Variants in NCOA1 observed in about 807,000 individuals in gnomAD.
NCOA1 encodes the protein Hin-2 protein.
Under a neutral mutation model 150.9 loss-of-function variants are expected in NCOA1, and 35 were observed. That is an observed-to-expected ratio of 0.23 (90% CI 0.18 to 0.31). NCOA1 has a LOEUF of 0.31. NCOA1 is among the 10% of genes least tolerant of loss of function. The pLI, the probability that NCOA1 is intolerant of heterozygous loss-of-function variation, is 1.00. For synonymous variants in NCOA1, 590 were observed against 630.0 expected, an observed-to-expected ratio of 0.94 and a Z score of 0.95; for missense variants, 1,491 against 1,749.3, an observed-to-expected ratio of 0.85 and a Z score of 2.63.
chr2:24,531,487 A>G (rs974381619), intron 1 of NCOA1, among the ~76,000 whole-genome samples: 16 of 152,160 alleles, frequency 1.1e-4, no homozygotes, highest in African/African-American at 3.9e-4. Context: ...TGTAGGGTAC[A>G]TGTGCACATG....
At chr2:24,760,727 T>C (rs897720439) in intron 21 of NCOA1, among the ~76,000 whole-genome samples, 25 of 152,346 alleles carry the variant, frequency 1.6e-4, no homozygotes, top group African/African-American at 6.0e-4. Context: ...GTAATTTGAT[T>C]ATGATATGCT....
intron 3 of NCOA1, among the ~76,000 whole-genome samples, chr2:24,634,363 T>C (rs1374011893): frequency 2.0e-5 from 3 of 152,214 alleles, no homozygotes; most frequent in African/African-American, 7.2e-5. Flanking sequence ...TGTTTTTCTT[T>C]ATATCTTTAA....
chr2:24,599,669 G>A (rs549134326), intron 3 of NCOA1, among the ~76,000 whole-genome samples: 2 of 150,716 alleles, frequency 1.3e-5, no homozygotes, highest in East Asian at 3.9e-4. Flanking sequence ...CTATTAATTT[G>A]GAATATCTTG....
At chr2:24,508,637 C>G (rs1159202880) in intron 1 of NCOA1, among the ~76,000 whole-genome samples, 1 of 150,752 alleles carries the variant, frequency 6.6e-6, no homozygotes, top group Non-Finnish European at 1.5e-5. Context: ...CCTTTTTTTT[C>G]TTTGTAATTT....
intron 8 of NCOA1, among the ~76,000 whole-genome samples, chr2:24,690,650 T>TTAAAAAAAAAAAAAAAAA (rs1558289893): frequency 1.8e-4 from 1 of 5,672 alleles, no homozygotes; most frequent in Non-Finnish European, 5.6e-4. Context: ...AGATTCCATC[T>TTAAAAAAAAAAAAAAAAA]CAAAAAAAAA....
At chr2:24,533,009 G>A (rs1229024440) in intron 1 of NCOA1, among the ~76,000 whole-genome samples, 1 of 152,184 alleles carries the variant, frequency 6.6e-6, no homozygotes, top group Non-Finnish European at 1.5e-5. Flanking sequence ...GTAGCTTGAT[G>A]GGGATGGCAT....
At chr2:24,566,323 C>T (rs1666504157) in intron 2 of NCOA1, among the ~76,000 whole-genome samples, 1 of 151,902 alleles carries the variant, frequency 6.6e-6, no homozygotes, top group Non-Finnish European at 1.5e-5. Flanking sequence ...TCATCCCATC[C>T]TCTCCTCAGC....
chr2:24,731,854 G>A (rs1663032982), intron 17 of NCOA1, among the ~76,000 whole-genome samples: 1 of 152,122 alleles, frequency 6.6e-6, no homozygotes, highest in Non-Finnish European at 1.5e-5. Context: ...GTACTATAAG[G>A]AATACAAGGA....
intron 3 of NCOA1, among the ~76,000 whole-genome samples, chr2:24,621,248 G>A (rs945374341): frequency 3.3e-5 from 5 of 151,866 alleles, no homozygotes; most frequent in East Asian, 3.9e-4. Context: ...TTACAGTAAC[G>A]GCACTTCAGT....
At chr2:24,540,447 C>G (rs1441476095) in intron 1 of NCOA1, among the ~76,000 whole-genome samples, 2 of 149,704 alleles carry the variant, frequency 1.3e-5, no homozygotes, top group Non-Finnish European at 3.0e-5. Flanking sequence ...TGATTGATAG[C>G]TGGGAGAACT....
chr2:24,554,051 CT>C (rs1367275660), intron 1 of NCOA1, among the ~76,000 whole-genome samples: 2 of 152,094 alleles, frequency 1.3e-5, no homozygotes, highest in Non-Finnish European at 2.9e-5. Context: ...GTGATGTCTC[CT>C]TTTCATTACC....
At chr2:24,568,951 G>GT (rs1325615847) in intron 2 of NCOA1, among the ~76,000 whole-genome samples, 2 of 152,076 alleles carry the variant, frequency 1.3e-5, no homozygotes, top group Non-Finnish European at 2.9e-5. Context: ...TTGGTCTGTT[G>GT]TTTTTTTAAG....
intron 3 of NCOA1, among the ~76,000 whole-genome samples, chr2:24,587,619 A>G (rs536839891): frequency 1.4e-4 from 21 of 152,334 alleles, no homozygotes; most frequent in African/African-American, 4.3e-4. Context: ...CAAGATACCA[A>G]TAAAGTTAGG....
Position 24,683,082 on chromosome 2 carries a change from G to A in NCOA1, c.486G>A (p.Val162=), listed in dbSNP as rs754449384. 1.3e-6 allele frequency: 2 copies of A among 1,587,228 alleles called. No homozygotes were observed. The highest frequency in any genetic ancestry group is 1.7e-6 in the Non-Finnish European group (2 of 1,171,346). Residue 162 remains valine (V), a synonymous_variant, in exon 8 of 23, where the codon GTG becomes GTA. Transcript: ENST00000348332. ...MNTSVYSILH[V]GDHAEFVKNL... is the part of the protein sequence containing the mutation. ...CGAGCGTCTACAGCATACTGCACGT[G>A]GGGGATCATGCAGAATTTGTGAAGA...
At chr2:24,674,151 G>GTGTGTGTGTGTGTGTGTA (rs141963010) in intron 7 of NCOA1, among the ~76,000 whole-genome samples, 2 of 145,172 alleles carry the variant, frequency 1.4e-5, no homozygotes, top group African/African-American at 2.7e-5. Context: ...GTGTGTGTGT[G>GTGTGTGTGTGTGTGTGTA]TATATATTTC....
intron 22 of NCOA1, among the ~76,000 whole-genome samples, chr2:24,765,431 G>A (rs563521686): frequency 2.0e-5 from 3 of 151,942 alleles, no homozygotes; most frequent in African/African-American, 4.8e-5. Context: ...CCTGGGAGGC[G>A]GAGCTGGCAG....
chr2:24,758,779 G>A (rs1290253669), intron 21 of NCOA1, among the ~76,000 whole-genome samples: 4 of 151,264 alleles, frequency 2.6e-5, no homozygotes, highest in African/African-American at 9.7e-5. Context: ...TCAGGAGTTC[G>A]AGACCAGCCT....
chr2:24,599,558 A>T (rs1055802403), intron 3 of NCOA1, among the ~76,000 whole-genome samples: 1 of 152,132 alleles, frequency 6.6e-6, no homozygotes, highest in Non-Finnish European at 1.5e-5. Flanking sequence ...TAGGATTTTT[A>T]AAAACTTTAT....
chr2:24,506,358 T>G (rs1448788514), intron 1 of NCOA1, among the ~76,000 whole-genome samples: 1 of 152,180 alleles, frequency 6.6e-6, no homozygotes, highest in Non-Finnish European at 1.5e-5. Flanking sequence ...GGGGTACATG[T>G]CTCAGTTGGA....
Sources: gnomAD v4.1 joint callset for allele counts (sites outside exome capture counted in the v4.1 genomes callset) on GRCh38, gnomAD v4.1.1 for gene constraint, MANE v1.5 for transcripts, NCBI Gene and HGNC (gene_info 2026-07-23, HGNC 2026-07-21) for gene names.